SPATA6: variants seen among roughly 807,000 people sequenced by gnomAD.
The protein encoded by SPATA6 is spermatogenesis-associated protein 6.
Under a neutral mutation model 65.3 loss-of-function variants are expected in SPATA6, and 56 were observed. The observed-to-expected ratio is 0.86, with a 90% CI of 0.69 to 1.07. The LOEUF is 1.07. Ranked by LOEUF, SPATA6 falls within the 50% of genes least tolerant of loss-of-function variation. The pLI, the probability that SPATA6 is intolerant of heterozygous loss-of-function variation, is 0.00. For synonymous variants in SPATA6, 199 were observed against 213.2 expected, an observed-to-expected ratio of 0.93 and a Z score of 0.58; for missense variants, 590 against 594.8, an observed-to-expected ratio of 0.99 and a Z score of 0.08.
chr1:48,353,716 G>A (rs971817041), intron 11 of SPATA6, among the ~76,000 whole-genome samples: 4 of 151,908 alleles, frequency 2.6e-5, no homozygotes, highest in African/African-American at 9.7e-5. Flanking sequence ...CTATAATCAT[G>A]AGACTTGAAC....
At chr1:48,306,548 A>T (rs1366322439) in intron 11 of SPATA6, among the ~76,000 whole-genome samples, 2 of 152,016 alleles carry the variant, frequency 1.3e-5, no homozygotes, top group African/African-American at 2.4e-5. Flanking sequence ...GTAATGGTAT[A>T]TAATTTAATA....
At chr1:48,431,946 C>CA (rs1316029258) in intron 3 of SPATA6, among the ~76,000 whole-genome samples, 1 of 151,884 alleles carries the variant, frequency 6.6e-6, no homozygotes, top group African/African-American at 2.4e-5. Context: ...ACTGTCTCTA[C>CA]AAAAAATATG....
intron 11 of SPATA6, among the ~76,000 whole-genome samples, chr1:48,335,349 A>G (rs2148743465): frequency 6.6e-6 from 1 of 150,842 alleles, no homozygotes; most frequent in Middle Eastern, 3.4e-3. Flanking sequence ...AAAAAAAAAG[A>G]AAAAAAAGCT....
intron 11 of SPATA6, among the ~76,000 whole-genome samples, chr1:48,308,263 A>T (rs776060274): frequency 6.6e-6 from 1 of 151,962 alleles, no homozygotes; most frequent in Non-Finnish European, 1.5e-5. Flanking sequence ...TTCCATGAGG[A>T]TTACAAATAA....
intron 8 of SPATA6, among the ~76,000 whole-genome samples, chr1:48,393,951 T>C (rs954041200): frequency 6.6e-6 from 1 of 152,080 alleles, no homozygotes; most frequent in Non-Finnish European, 1.5e-5. Flanking sequence ...ACCACCATAT[T>C]AGGGGCTAGG....
chr1:48,285,367 T>C, the SPATA6 span, among the ~76,000 whole-genome samples: 2 of 151,870 alleles, frequency 1.3e-5, no homozygotes, highest in Non-Finnish European at 1.5e-5. Context: ...TGCTGGGCTA[T>C]GTTGGGGTGG....
chr1:48,368,120 G>A, intron 9 of SPATA6, among the ~76,000 whole-genome samples: 1 of 152,076 alleles, frequency 6.6e-6, no homozygotes, highest in Non-Finnish European at 1.5e-5. Flanking sequence ...GTTGAATATT[G>A]GCCCCCACTC....
intron 1 of SPATA6, among the ~76,000 whole-genome samples, chr1:48,462,304 C>T (rs1471037476): frequency 2.0e-5 from 3 of 151,886 alleles, no homozygotes; most frequent in East Asian, 1.9e-4. Context: ...TGTAACAAAC[C>T]GGCCCATTGT....
chr1:48,262,559 A>G, the SPATA6 span: 4 of 152,156 alleles, frequency 2.6e-5, no homozygotes, highest in Non-Finnish European at 4.4e-5. Flanking sequence ...CAATAGAGGA[A>G]TGGTTAAATT....
chr1:48,312,450 C>A (rs754286748), intron 11 of SPATA6, among the ~76,000 whole-genome samples: 1 of 152,132 alleles, frequency 6.6e-6, no homozygotes, highest in Non-Finnish European at 1.5e-5. Flanking sequence ...CTGGAATGGA[C>A]CTCCAGCAAA....
chr1:48,451,370 A>G (rs1362383910), intron 3 of SPATA6, among the ~76,000 whole-genome samples, 182 bp downstream of exon 3: 2 of 152,226 alleles, frequency 1.3e-5, no homozygotes, highest in Admixed American at 1.3e-4. Context: ...TGCAGCATAT[A>G]TATCTTTTAT....
At chr1:48,318,535 A>C (rs1332994563) in intron 11 of SPATA6, among the ~76,000 whole-genome samples, 1 of 152,172 alleles carries the variant, frequency 6.6e-6, no homozygotes, top group Non-Finnish European at 1.5e-5. Flanking sequence ...TAGCATCAAA[A>C]ATAACAAAAT....
chr1:48,306,470 A>G (rs1048524309), intron 11 of SPATA6, among the ~76,000 whole-genome samples: 1 of 152,030 alleles, frequency 6.6e-6, no homozygotes, highest in Non-Finnish European at 1.5e-5. Flanking sequence ...ATACAAGGAC[A>G]TAAGAAATAG....
At chr1:48,300,778 T>C (rs1460784821) in intron 12 of SPATA6, among the ~76,000 whole-genome samples, 1 of 152,086 alleles carries the variant, frequency 6.6e-6, no homozygotes, top group Non-Finnish European at 1.5e-5. Flanking sequence ...ATAAATGTGA[T>C]ACATAATATC....
At chr1:48,365,956 A>G (rs149125144) in intron 9 of SPATA6, among the ~76,000 whole-genome samples, 3,767 of 152,196 alleles carry the variant, frequency 0.025, 101 homozygotes, top group African/African-American at 0.067. Flanking sequence ...TTATTATTTT[A>G]AGATACGTCC....
At chr1:48,414,163 G>A (rs928550233) in intron 3 of SPATA6, among the ~76,000 whole-genome samples, 3 of 152,168 alleles carry the variant, frequency 2.0e-5, no homozygotes, top group Admixed American at 6.5e-5. Context: ...AAGTGTGAGA[G>A]ATTAAAACTC....
intron 6 of SPATA6, chr1:48,400,834 TCTC>T (rs1315245535): frequency 7.8e-7 from 1 of 1,275,106 alleles, no homozygotes. Flanking sequence ...TTCTGGACCT[TCTC>T]CACCTTGTTC....
At chr1:48,463,248 T>C (rs569495437) in intron 1 of SPATA6, among the ~76,000 whole-genome samples, 2 of 152,308 alleles carry the variant, frequency 1.3e-5, no homozygotes, top group Non-Finnish European at 2.9e-5. Flanking sequence ...CTATTGGTTC[T>C]GTTTTTCTGG....
At chr1:48,449,336 G>T (rs1656347870) in intron 3 of SPATA6, among the ~76,000 whole-genome samples, 1 of 152,246 alleles carries the variant, frequency 6.6e-6, no homozygotes, top group South Asian at 2.1e-4. Context: ...ATCATTCTTA[G>T]CATCACTAAA....
Sources: gnomAD v4.1 joint callset for allele counts (sites outside exome capture counted in the v4.1 genomes callset) on GRCh38, gnomAD v4.1.1 for gene constraint, MANE v1.5 for transcripts, NCBI Gene and HGNC (gene_info 2026-07-23, HGNC 2026-07-21) for gene names.